The following SLC9A3 variants were observed in gnomAD, a reference collection of about 807,000 sequenced individuals.
SLC9A3 encodes sodium/hydrogen exchanger 3.
In SLC9A3, 37 loss-of-function variants were observed where a neutral mutation model predicts 86.8. The observed-to-expected ratio is 0.43, with a 90% CI of 0.33 to 0.56. The LOEUF (loss-of-function observed/expected upper bound fraction) is 0.56, where lower values mean the gene tolerates loss of function less well. SLC9A3 is among the 20% of genes least tolerant of loss of function. The pLI, the probability that SLC9A3 is intolerant of heterozygous loss-of-function variation, is 0.06. For synonymous variants in SLC9A3, 581 were observed against 528.3 expected, an observed-to-expected ratio of 1.10 and a Z score of -1.37; for missense variants, 1,011 against 1,171.9, an observed-to-expected ratio of 0.86 and a Z score of 2.00.
rs1290491870 is a variant in SLC9A3, at chr5:471,265, G to A, written c.*2114C>T. On this transcript the variant is annotated 3_prime_UTR_variant, in exon 17 of 17. Coordinates refer to ENST00000264938, the MANE Select transcript of SLC9A3 (RefSeq NM_004174.4). ...TTGGTAACCGGGTGTCCAGGGAGGA[G>A]CGATCGGGAGTGGCCAAGCAGTTGC... is the stretch of plus-strand genomic sequence containing the variant. 2 of 164,952 alleles carry A rather than the reference G, an allele frequency of 1.2e-5. No homozygotes were observed. The highest frequency in any genetic ancestry group is 4.8e-5 in the African/African-American group (2 of 41,698). The allele number at this position is 164,952 out of a possible 1,614,324, so 10.2% of individuals were successfully genotyped here. A position where few individuals can be genotyped will look rare whatever the true frequency, so the allele number is the denominator to read the frequency against.
Position 477,430 on chromosome 5 carries a change from C to A in SLC9A3, c.1662G>T (p.Gly554=). 1 of 1,612,088 alleles carries A rather than the reference C, an allele frequency of 6.2e-7. No individual in the cohort carries two copies. Among genetic ancestry groups the A allele is most frequent in the Non-Finnish European group, 8.5e-7 (1 of 1,179,396 alleles). ...TGGGGGAGCGGATGAAGGCCAGGGA[C>A]CCGCGGCGCTCTCCCTGTGGTCAGG... The part of the protein sequence containing the change: ...ISYVAEGERR[G]SLAFIRSPST... The change falls in exon 11 of 17, where the codon GGG becomes GGT. Residue 554 remains glycine, a synonymous_variant. Transcript: ENST00000264938.
chr5:524,206 G>A lies in SLC9A3; in HGVS notation c.117C>T (p.Ser39=), dbSNP rs1295574039. ...EVEPGGAHGE[S]GGFQVVTFEW... ...CGAAGGTGACCACCTGGAAGCCCCC[G>A]CTCTCGCCGTGCGCGCCGCCGGGCT... Residue 39 remains serine, a synonymous_variant, in exon 1 of 17, where the codon AGC becomes AGT. Transcript: ENST00000264938. 5 of 1,530,228 alleles carry A rather than the reference G, an allele frequency of 3.3e-6. No individual in the cohort carries two copies. The Admixed American group carries it at 8.2e-5, about 25-fold the overall frequency. The allele number at this position is 1,530,228 out of a possible 1,614,324, so 94.8% of individuals were successfully genotyped here. A position where few individuals can be genotyped will look rare whatever the true frequency, so the allele number is the denominator to read the frequency against.
Position 476,670 on chromosome 5 carries a change from C to G in SLC9A3, c.1763G>C (p.Arg588Thr), listed in dbSNP as rs1738761547. The change falls in exon 12 of 17, where the codon AGA (arginine) becomes ACA (threonine). Residue 588 changes from arginine (R) to threonine (T), a missense_variant and splice_region_variant. By Grantham distance (71) the Arg-to-Thr change is moderately conservative. Around this residue, in one of 3 missense-constraint regions of SLC9A3, gnomAD observed 397 missense variants for 346.3 expected, o/e 1.15. Coordinates refer to ENST00000264938, the MANE Select transcript of SLC9A3 (RefSeq NM_004174.4). ...TVEASVSYLL[R>T]ENVSAVCLDM... Reference sequence around the variant, plus strand: ...CAGGCAGACAGCGCTGACATTTTCTCTCCTGCGTGGGGACCAGCGCTGAGC... The same window carrying G: ...CAGGCAGACAGCGCTGACATTTTCTGTCCTGCGTGGGGACCAGCGCTGAGC... The G allele has an allele frequency of 6.2e-7, 1 of 1,603,686 alleles. No individual in the cohort carries two copies.
chr5:502,303 A>G (rs1401471536), intron 1 of SLC9A3, among the ~76,000 whole-genome samples: 2 of 150,702 alleles, frequency 1.3e-5, no homozygotes, highest in South Asian at 2.1e-4. Flanking sequence ...GAGACGGCCC[A>G]GGCCCCCTTA....
intron 6 of SLC9A3, 129 bp downstream of exon 6, chr5:483,133 C>G: frequency 1.4e-6 from 1 of 731,292 alleles, no homozygotes; most frequent in South Asian, 1.8e-5. Context: ...CCGCCACCAT[C>G]AGGTCCTCTC....
intron 15 of SLC9A3, 147 bp from the exon 16 acceptor site, chr5:475,279 T>C: frequency 2.5e-6 from 2 of 784,326 alleles, no homozygotes; most frequent in Non-Finnish European, 4.0e-6. Flanking sequence ...TTGCGGGCCC[T>C]TCCCCCACAT....
chr5:487,634 A>C (rs1392633480), intron 3 of SLC9A3, among the ~76,000 whole-genome samples: 1 of 152,228 alleles, frequency 6.6e-6, no homozygotes, highest in Non-Finnish European at 1.5e-5. Flanking sequence ...CTGGCAGATT[A>C]CGTGGTTCCT....
At chr5:481,504 G>T in intron 9 of SLC9A3, 61 bp downstream of exon 9, 1 of 1,375,810 alleles carries the variant, frequency 7.3e-7, no homozygotes, top group Non-Finnish European at 1.0e-6. Flanking sequence ...GTTCTTCCGA[G>T]TGGAGGATGT....
chr5:498,018 G>A (rs1338554375), intron 1 of SLC9A3, among the ~76,000 whole-genome samples: 1 of 152,120 alleles, frequency 6.6e-6, no homozygotes, highest in Non-Finnish European at 1.5e-5. Context: ...CTCCTGCCTC[G>A]GCCACCGCCC....
chr5:520,848 C>T (rs1443476995), intron 1 of SLC9A3, among the ~76,000 whole-genome samples: 1 of 152,144 alleles, frequency 6.6e-6, no homozygotes, highest in Non-Finnish European at 1.5e-5. Flanking sequence ...CTGGCAGTCT[C>T]TGCAAGGCAC....
chr5:488,405 C>T lies in SLC9A3; in HGVS notation c.586G>A (p.Val196Ile), dbSNP rs374864121. Residue 196 changes from valine to isoleucine, a missense_variant, in exon 3 of 17, where the codon GTC becomes ATC. Transcript: ENST00000264938. ...TGGACCTCCTCAAACACGGCCAGGA[C>T]GGCCACCGGGTCCACAGCCGCCATG... Reference protein sequence around the residue: ...SLMAAVDPVAVLAVFEEVHVN... With the variant: ...SLMAAVDPVAILAVFEEVHVN... 20 of 1,609,540 alleles carry T rather than the reference C, an allele frequency of 1.2e-5. No homozygotes were observed. Among genetic ancestry groups the T allele is most frequent in the Non-Finnish European group, 1.7e-5 (20 of 1,178,008 alleles).
Position 491,935 on chromosome 5 carries a change from G to T in SLC9A3, c.348C>A (p.Phe116Leu), listed in dbSNP as rs762737816. The T allele has an allele frequency of 6.2e-7, 1 of 1,611,480 alleles. No individual in the cohort carries two copies. Among genetic ancestry groups the T allele is most frequent in the Non-Finnish European group, 8.5e-7 (1 of 1,179,400 alleles). Reference protein sequence around the residue: ...ASFTLTPTVFFFYLLPPIVLD... With the variant: ...ASFTLTPTVFLFYLLPPIVLD... ...GCACGATGGGGGGCAGCAGGTAGAA[G>T]AAGAAGACGGTGGGCGTCAGTGTGA... Residue 116 changes from phenylalanine to leucine, a missense_variant, in exon 2 of 17, where the codon TTC (phenylalanine) becomes TTA (leucine). Physicochemically the swap from Phe to Leu is conservative, Grantham distance 22 (BLOSUM62 0). Coordinates refer to ENST00000264938, the MANE Select transcript of SLC9A3 (RefSeq NM_004174.4). The surrounding 1 kb of genome is among the most constrained non-coding windows in gnomAD (Gnocchi z 9.2).
intron 1 of SLC9A3, among the ~76,000 whole-genome samples, chr5:509,808 G>C (rs1006274540): frequency 2.6e-5 from 4 of 152,156 alleles, no homozygotes; most frequent in Non-Finnish European, 5.9e-5. Flanking sequence ...TCCGTGTCTC[G>C]CATGGATGCC....
At chr5:500,485 C>T (rs77298409) in intron 1 of SLC9A3, among the ~76,000 whole-genome samples, 3 of 102,388 alleles carry the variant, frequency 2.9e-5, no homozygotes, top group Non-Finnish European at 8.1e-5. Context: ...GACAGGGGGC[C>T]GGTGTGGACA....
chr5:514,316 G>A (rs1050428024), intron 1 of SLC9A3, among the ~76,000 whole-genome samples: 7 of 152,198 alleles, frequency 4.6e-5, no homozygotes, highest in Non-Finnish European at 7.3e-5. Context: ...GCTCTGTGCC[G>A]CCAGGGCTGT....
intron 6 of SLC9A3, 41 bp from the exon 7 acceptor site, chr5:482,791 TCCCAGCCGCGGGAC>T: frequency 6.6e-7 from 1 of 1,512,716 alleles, no homozygotes; most frequent in Non-Finnish European, 9.0e-7. Flanking sequence ...CCGGCCGCCC[TCCCAGCCGCGGGAC>T]CCCAGCCCCT....
intron 2 of SLC9A3, among the ~76,000 whole-genome samples, chr5:490,431 C>T (rs758406324): frequency 7.2e-5 from 11 of 152,144 alleles, no homozygotes; most frequent in African/African-American, 1.4e-4. Context: ...CCTCCAGGCT[C>T]GGCCAGTTGC....
intron 2 of SLC9A3, among the ~76,000 whole-genome samples, chr5:490,568 G>A (rs181297567): frequency 3.3e-5 from 5 of 152,188 alleles, no homozygotes; most frequent in Admixed American, 6.5e-5. Flanking sequence ...CGGCCCTGAC[G>A]GCCAGACTGA....
Position 472,355 on chromosome 5 carries a change from G to A in SLC9A3, c.*1024C>T. Reference sequence around the variant, plus strand: ...AGCCTGGTAGGGGGGCGGTGCCCTGGGCCCCTCCATGCCCCCTGGTTTGTT... The same window carrying A: ...AGCCTGGTAGGGGGGCGGTGCCCTGAGCCCCTCCATGCCCCCTGGTTTGTT... On this transcript the variant is annotated 3_prime_UTR_variant, in exon 17 of 17. Coordinates refer to ENST00000264938, the MANE Select transcript of SLC9A3 (RefSeq NM_004174.4). 2 of 334,938 alleles carry A rather than the reference G, an allele frequency of 6.0e-6. No homozygotes were observed. Among genetic ancestry groups the A allele is most frequent in the Non-Finnish European group, 1.2e-5 (2 of 171,724 alleles). 20.7% of individuals were successfully genotyped at this position (334,938 alleles called of 1,614,324 possible).
Sources: allele counts gnomAD v4.1 joint callset (sites outside exome capture counted in the v4.1 genomes callset), GRCh38; gene constraint gnomAD v4.1.1; regional missense constraint gnomAD v4.1.1; non-coding constraint Gnocchi (gnomAD v3.1); transcripts MANE v1.5; gene names NCBI Gene and HGNC (gene_info 2026-07-23, HGNC 2026-07-21).